The following MAEL variants were observed in gnomAD, a reference collection of about 807,000 sequenced individuals.
MAEL encodes the protein maelstrom spermatogenic transposon silencer.
Under a neutral mutation model 62.0 loss-of-function variants are expected in MAEL, and 46 were observed. The ratio of observed to expected loss-of-function variants is 0.74; its 90% CI spans 0.59 to 0.95. MAEL has a LOEUF of 0.95. Ranked by LOEUF, MAEL falls within the 40% of genes least tolerant of loss-of-function variation. The pLI is 0.00. For synonymous variants in MAEL, 172 were observed against 175.5 expected, an observed-to-expected ratio of 0.98 and a Z score of 0.16; for missense variants, 497 against 526.8, an observed-to-expected ratio of 0.94 and a Z score of 0.55.
intron 10 of MAEL, among the ~76,000 whole-genome samples, chr1:167,018,845 G>C (rs1665502660): frequency 6.6e-6 from 1 of 152,112 alleles, no homozygotes; most frequent in Non-Finnish European, 1.5e-5. Context: ...CAGGAGTTAG[G>C]GGTGGGAACA....
intron 5 of MAEL, 114 bp from the exon 6 acceptor site, chr1:167,004,066 C>A: frequency 1.2e-6 from 1 of 850,246 alleles, no homozygotes; most frequent in Non-Finnish European, 1.8e-6. Context: ...GGGCTTTGTA[C>A]AAGTACTTAA....
upstream of MAEL, chr1:166,989,029 C>G (rs1664022465): frequency 7.1e-6 from 2 of 281,156 alleles, no homozygotes; most frequent in South Asian, 1.1e-4. Flanking sequence ...TACTTTGTCG[C>G]ACATTACGCA....
chr1:166,998,102 A>G (rs908521960), intron 5 of MAEL, among the ~76,000 whole-genome samples: 7 of 152,210 alleles, frequency 4.6e-5, no homozygotes, highest in Non-Finnish European at 1.0e-4. Context: ...GATGATATAG[A>G]TAAGCCCCCG....
In MAEL at chr1:166,978,009, AATGGGAG is replaced by A. The variant is rs1298748010; in HGVS notation, c.-121+2348_-121+2354del. On this transcript the variant is annotated intron_variant, in intron 1 of 12. Transcript: ENST00000622874. Reference sequence around the variant, plus strand: ...TATGAGCAAGTTTATACATGTGAAAAATGGGAGATGGACTGAGTGAAGGAAGCCTGGA... The same window carrying A: ...TATGAGCAAGTTTATACATGTGAAAAATGGACTGAGTGAAGGAAGCCTGGA... Among the ~76,000 whole-genome samples, 4 of 152,274 alleles carry A rather than the reference AATGGGAG, an allele frequency of 2.6e-5. No homozygotes were observed. The East Asian group carries it at 7.7e-4, about 29-fold the overall frequency.
At chr1:167,021,548 T>G in intron 11 of MAEL, 120 bp from the exon 12 acceptor site, 1 of 677,546 alleles carries the variant, frequency 1.5e-6, no homozygotes, top group African/African-American at 1.8e-5. Flanking sequence ...AAAACATTTT[T>G]CTGTTGAATT....
chr1:167,004,373 AT>A, intron 6 of MAEL, 69 bp downstream of exon 6: 1 of 1,432,990 alleles, frequency 7.0e-7, no homozygotes, highest in Non-Finnish European at 9.4e-7. Flanking sequence ...AAAACAAAGA[AT>A]TTTTGCCTGT....
At chr1:166,978,465 C>T (rs932797104) in intron 1 of MAEL, among the ~76,000 whole-genome samples, 2 of 152,106 alleles carry the variant, frequency 1.3e-5, no homozygotes, top group Admixed American at 6.5e-5. Flanking sequence ...GTTATTTTGC[C>T]ATATTGGTGG....
At chr1:166,982,727 TC>T (rs1444423833) in intron 1 of MAEL, among the ~76,000 whole-genome samples, 1 of 152,164 alleles carries the variant, frequency 6.6e-6, no homozygotes, top group African/African-American at 2.4e-5. Flanking sequence ...AAATCTAAAG[TC>T]CTTATGGAGG....
intron 8 of MAEL, among the ~76,000 whole-genome samples, chr1:167,010,436 G>GT (rs1553238520): frequency 6.6e-5 from 10 of 151,812 alleles, no homozygotes; most frequent in Non-Finnish European, 1.3e-4. Context: ...CTCCTTTTCT[G>GT]TTTTCTTTTC....
rs777690282 is a variant in MAEL at position 167,004,236 on chromosome 1, A to G, written c.580A>G (p.Thr194Ala). Residue 194 changes from threonine to alanine, a missense_variant, in exon 6 of 12, where the codon ACT (threonine) becomes GCT (alanine). Physicochemically the swap from Thr to Ala is moderately conservative, Grantham distance 58. Transcript: ENST00000367872. ...SNFERGHNQATVLQNLYRFIH... is the reference protein window; with the variant it reads ...SNFERGHNQAAVLQNLYRFIH... The stretch of plus-strand genomic sequence containing the variant: ...TTTTGAACGTGGGCATAACCAAGCA[A>G]CTGTGTTACAAAACCTTTATAGATT... 1 of 1,609,238 alleles carries G rather than the reference A, an allele frequency of 6.2e-7. No individual in the cohort carries two copies. The highest frequency in any genetic ancestry group is 2.2e-5 in the East Asian group (1 of 44,650).
upstream of MAEL, among the ~76,000 whole-genome samples, chr1:166,986,035 C>T (rs1663903256): frequency 6.6e-6 from 1 of 151,994 alleles, no homozygotes; most frequent in Admixed American, 6.6e-5. Context: ...AATAAACAAT[C>T]TGATATGAAA....
At chr1:166,990,688 G>GTTTA (rs1388575727) in intron 2 of MAEL, 1 of 152,004 alleles carries the variant, frequency 6.6e-6, no homozygotes, top group African/African-American at 2.4e-5. Flanking sequence ...GTTGAATGAA[G>GTTTA]TTTATTTGGG....
chr1:166,995,067 A>G (rs1293794124), intron 5 of MAEL, among the ~76,000 whole-genome samples: 4 of 151,662 alleles, frequency 2.6e-5, no homozygotes, highest in Admixed American at 6.6e-5. Flanking sequence ...ATCTGCCACA[A>G]CCAGCAGCTA....
At chr1:167,016,767 G>A (rs1217068689) in intron 9 of MAEL, among the ~76,000 whole-genome samples, 1 of 152,066 alleles carries the variant, frequency 6.6e-6, no homozygotes, top group Non-Finnish European at 1.5e-5. Context: ...TAAAGAAAAT[G>A]TGGTACTTAT....
At chr1:167,016,922 C>G (rs1377997242) in intron 9 of MAEL, among the ~76,000 whole-genome samples, 2 of 151,928 alleles carry the variant, frequency 1.3e-5, no homozygotes, top group South Asian at 4.2e-4. Context: ...TTTGTGGAAT[C>G]TAAAAATCAA....
At chr1:166,975,997 C>T (rs571142609) in intron 1 of MAEL, among the ~76,000 whole-genome samples, 40 of 152,284 alleles carry the variant, frequency 2.6e-4, no homozygotes, top group African/African-American at 8.9e-4. Context: ...GCGGTACCCC[C>T]GCCCCTCCGT....
intron 6 of MAEL, 109 bp from the exon 7 acceptor site, chr1:167,004,967 C>A: frequency 1.0e-6 from 1 of 992,250 alleles, no homozygotes; most frequent in South Asian, 1.6e-5. Flanking sequence ...TCCTGTGCCC[C>A]CTACCTCCCA....
intron 10 of MAEL, among the ~76,000 whole-genome samples, 166 bp downstream of exon 10, chr1:167,018,125 T>A (rs1447025502): frequency 6.6e-6 from 1 of 152,166 alleles, no homozygotes; most frequent in African/African-American, 2.4e-5. Context: ...TCCAGTTGTG[T>A]CTTGTGTAAA....
chr1:166,983,856 G>C (rs1374254137), intron 1 of MAEL, among the ~76,000 whole-genome samples: 1 of 152,060 alleles, frequency 6.6e-6, no homozygotes, highest in South Asian at 2.1e-4. Context: ...ACAAAAATTA[G>C]CTGGGCATGG....
Sources: allele counts gnomAD v4.1 joint callset (sites outside exome capture counted in the v4.1 genomes callset), GRCh38; gene constraint gnomAD v4.1.1; transcripts MANE v1.5; gene names NCBI Gene and HGNC (gene_info 2026-07-23, HGNC 2026-07-21).